NAALADL2: variants seen among roughly 807,000 people sequenced by gnomAD.
NAALADL2 encodes N-acetylated alpha-linked acidic dipeptidase like 2, also known as inactive N-acetylated-alpha-linked acidic dipeptidase-like protein 2.
In NAALADL2, 76 loss-of-function variants were observed where a neutral mutation model predicts 87.2. That is an observed-to-expected ratio of 0.87 (90% CI 0.72 to 1.05). NAALADL2 has a LOEUF of 1.05. Among genes scored for constraint, NAALADL2 ranks in the 50% least tolerant of loss-of-function variants. NAALADL2 has a pLI of 0.00. For missense variants in NAALADL2, 1,089 were observed against 945.8 expected, an observed-to-expected ratio of 1.15 and a Z score of -1.99; for synonymous variants, 354 against 331.0, an observed-to-expected ratio of 1.07 and a Z score of -0.75.
intron 1 of NAALADL2, among the ~76,000 whole-genome samples, chr3:174,987,094 C>A (rs576623568): frequency 7.0e-4 from 106 of 152,156 alleles, no homozygotes; most frequent in African/African-American, 2.3e-3. Context: ...GTATTTTGAT[C>A]AATATAAATC....
intron 2 of NAALADL2, among the ~76,000 whole-genome samples, chr3:175,118,121 G>C (rs199603699): frequency 3.3e-4 from 41 of 124,026 alleles, no homozygotes; most frequent in Admixed American, 2.4e-4. Flanking sequence ...GTCGTAGGGT[G>C]GGGGGGAGGC....
chr3:174,787,582 T>TATATATATATAC (rs1716839710), intron 3 of NAALADL2, among the ~76,000 whole-genome samples: 1 of 47,970 alleles, frequency 2.1e-5, no homozygotes, highest in African/African-American at 7.5e-5. Context: ...TCATCATATA[T>TATATATATATAC]ATATATATAT....
rs1029283552 is a variant in NAALADL2, at chr3:174,752,265, C to T, written c.-9+14519C>T. Among the ~76,000 whole-genome samples the T allele has an allele frequency of 3.3e-5, 5 of 152,034 alleles. No homozygotes were observed. In the South Asian group the frequency reaches 6.2e-4, roughly 19 times the overall value. ...TGCTGGGATTACAGGTGTGAGCCAC[C>T]GCGCCCGGCCCAGATCTTTAAAGGT... On this transcript the variant is annotated intron_variant, in intron 3 of 3. Transcript: ENST00000434257.
At chr3:174,956,095 T>G in intron 1 of NAALADL2, among the ~76,000 whole-genome samples, 1 of 152,066 alleles carries the variant, frequency 6.6e-6, no homozygotes, top group East Asian at 1.9e-4. Context: ...TTCTAAACCC[T>G]GCTGGGATCA....
intron 1 of NAALADL2, among the ~76,000 whole-genome samples, chr3:175,031,929 A>G (rs930394671): frequency 7.9e-5 from 12 of 151,804 alleles, no homozygotes; most frequent in African/African-American, 2.2e-4. Context: ...AGAAGTGCCT[A>G]TTCATATCCT....
chr3:175,027,315 C>G (rs1752332489), intron 1 of NAALADL2, among the ~76,000 whole-genome samples: 1 of 152,010 alleles, frequency 6.6e-6, no homozygotes, highest in Non-Finnish European at 1.5e-5. Context: ...TCTGAAGCAG[C>G]ATAGGTGAAG....
chr3:174,961,048 A>ATC (rs1741908926), intron 1 of NAALADL2, among the ~76,000 whole-genome samples: 1 of 147,704 alleles, frequency 6.8e-6, no homozygotes. Context: ...AAAAATATAT[A>ATC]TATATATTAA....
intron 1 of NAALADL2, among the ~76,000 whole-genome samples, chr3:174,907,994 T>A (rs1327677463): frequency 6.6e-6 from 1 of 151,190 alleles, no homozygotes; most frequent in Non-Finnish European, 1.5e-5. Context: ...TTTATATCAA[T>A]TATCTCTTTT....
intron 9 of NAALADL2, among the ~76,000 whole-genome samples, chr3:175,482,801 T>G (rs1008180339): frequency 6.6e-6 from 1 of 151,678 alleles, no homozygotes; most frequent in Admixed American, 6.6e-5. Context: ...GAGGGAAGGA[T>G]AGTAGAAATT....
intron 2 of NAALADL2, among the ~76,000 whole-genome samples, chr3:174,717,972 C>CA (rs892115135): frequency 3.9e-5 from 6 of 152,054 alleles, no homozygotes; most frequent in South Asian, 2.1e-4. Context: ...CCTAAAAATA[C>CA]AAAAAAACTT....
chr3:175,484,350 C>T (rs1253807706), intron 9 of NAALADL2, among the ~76,000 whole-genome samples: 2 of 151,968 alleles, frequency 1.3e-5, no homozygotes, highest in Non-Finnish European at 2.9e-5. Flanking sequence ...TTTGCGAATG[C>T]TATGTAAGTA....
At chr3:174,569,004 C>G (rs1025177344) in intron 2 of NAALADL2, among the ~76,000 whole-genome samples, 1 of 151,432 alleles carries the variant, frequency 6.6e-6, no homozygotes, top group Non-Finnish European at 1.5e-5. Context: ...GCATGCTATA[C>G]CTTCTCAATA....
chr3:174,884,199 A>G (rs1043158244), intron 1 of NAALADL2, among the ~76,000 whole-genome samples: 2 of 152,146 alleles, frequency 1.3e-5, no homozygotes, highest in African/African-American at 4.8e-5. Context: ...ACTAGGGGTA[A>G]TGATGAGTGG....
At chr3:175,460,484 C>T (rs1722948723) in intron 6 of NAALADL2, among the ~76,000 whole-genome samples, 1 of 152,138 alleles carries the variant, frequency 6.6e-6, no homozygotes, top group African/African-American at 2.4e-5. Context: ...GCATTCTTCT[C>T]AGAGCAAAAG....
At chr3:175,250,924 G>A (rs1341014589) in intron 3 of NAALADL2, among the ~76,000 whole-genome samples, 3 of 152,064 alleles carry the variant, frequency 2.0e-5, no homozygotes, top group East Asian at 1.9e-4. Context: ...TTAGCATGCC[G>A]TTGATAAACA....
At chr3:175,150,356 A>G (rs1034710696) in intron 2 of NAALADL2, among the ~76,000 whole-genome samples, 3 of 152,154 alleles carry the variant, frequency 2.0e-5, no homozygotes, top group Admixed American at 1.3e-4. Context: ...ATTTTGTACC[A>G]TTAAATTTTT....
chr3:175,801,498 T>C (rs1359558188), intron 13 of NAALADL2, among the ~76,000 whole-genome samples: 1 of 152,122 alleles, frequency 6.6e-6, no homozygotes, highest in Non-Finnish European at 1.5e-5. Context: ...TCTTTGCTTA[T>C]GCCATTCCTT....
intron 1 of NAALADL2, among the ~76,000 whole-genome samples, chr3:174,464,014 T>G (rs1716372148): frequency 6.6e-6 from 1 of 152,144 alleles, no homozygotes; most frequent in South Asian, 2.1e-4. Context: ...AGAAATACAC[T>G]GAATCACTGG....
chr3:175,695,518 C>T (rs1272916578), intron 11 of NAALADL2, among the ~76,000 whole-genome samples: 1 of 152,094 alleles, frequency 6.6e-6, no homozygotes, highest in Non-Finnish European at 1.5e-5. Flanking sequence ...AAATGTACTG[C>T]ATTCTTTGCC....
Sources: gnomAD v4.1 joint callset for allele counts (sites outside exome capture counted in the v4.1 genomes callset) on GRCh38, gnomAD v4.1.1 for gene constraint, MANE v1.5 for transcripts, NCBI Gene and HGNC (gene_info 2026-07-23, HGNC 2026-07-21) for gene names.